Variants in ACP2 observed in about 807,000 individuals in gnomAD.
ACP2 encodes the protein acid phosphatase 2, lysosomal, also known as lysosomal acid phosphatase.
Under a neutral mutation model 54.7 loss-of-function variants are expected in ACP2, and 35 were observed. The ratio of observed to expected loss-of-function variants is 0.64; its 90% CI spans 0.49 to 0.85. ACP2 has a LOEUF of 0.85. Among genes scored for constraint, ACP2 ranks in the 40% least tolerant of loss-of-function variants. The pLI is 0.00. For missense variants in ACP2, 492 were observed against 565.0 expected (o/e 0.87, Z 1.31); for synonymous variants, 210 against 224.4 (o/e 0.94, Z 0.57).
chr11:47,244,849 G>A lies in ACP2; in HGVS notation c.658C>T (p.Leu220=). The change falls in exon 7 of 11, where the codon CTG becomes TTG. Residue 220 remains leucine, a synonymous_variant. Transcript: ENST00000672073. ...LFCEQTHGLR[L]PPWASPQTMQ... is the part of the protein sequence containing the mutation. ...GTTTGGGGTGAGGCCCAGGGCGGCA[G>A]GCGCAGCCCGTGCGTTTGCTGTGTA... The A allele has an allele frequency of 1.9e-6, 3 of 1,609,326 alleles. No homozygotes were observed. Among genetic ancestry groups the A allele is most frequent in the Non-Finnish European group, 2.5e-6 (3 of 1,176,636 alleles).
chr11:47,240,672 T>C (rs1049711331), intron 10 of ACP2, among the ~76,000 whole-genome samples: 10 of 151,904 alleles, frequency 6.6e-5, no homozygotes, highest in Admixed American at 2.6e-4. Context: ...ATACAAAAAA[T>C]TAGCTGGGCA....
chr11:47,248,407 G>C, intron 1 of ACP2: 5 of 1,526,448 alleles, frequency 3.3e-6, no homozygotes, highest in Non-Finnish European at 4.4e-6. Flanking sequence ...GGACAACTGG[G>C]GAAAAAAGAT....
At position 47,247,947 on chromosome 11, in the gene ACP2, G is replaced by A. The variant is rs146435407; in HGVS notation, c.210+91C>T. On this transcript the variant is annotated intron_variant, in intron 2 of 10. Transcript: ENST00000672073. ...CAAAGTCAGCACCCATATGGGAAAA[G>A]GCAGTTTAGTAGGACCCCAAGTTTT... 4.4e-4 allele frequency: 518 copies of A among 1,166,574 alleles called. No individual in the cohort carries two copies. In the African/African-American group the frequency reaches 7.4e-3, roughly 17 times the overall value. 72.3% of individuals were successfully genotyped at this position (1,166,574 alleles called of 1,614,324 possible).
Position 47,248,126 on chromosome 11 carries a change from CG to C in ACP2, c.121del (p.Arg41AlafsTer8). ...RSLRFVTLLY[R>X]HGDRSPVKTY... ...CTTCACTGGTGAACGGTCTCCATGG[CG>C]GTACAGCTGAGAGAATAAAATGGTT... On this transcript the variant is annotated frameshift_variant, in exon 2 of 11. Coordinates refer to ENST00000672073, the MANE Select transcript of ACP2 (RefSeq NM_001610.4). LOFTEE classifies it high-confidence loss of function. 1.9e-6 allele frequency: 3 copies of C among 1,604,084 alleles called. No individual in the cohort carries two copies. The highest frequency in any genetic ancestry group is 1.7e-6 in the Non-Finnish European group (2 of 1,176,678).
At chr11:47,247,854 C>A in intron 2 of ACP2, 127 bp from the exon 3 acceptor site, 1 of 1,034,974 alleles carries the variant, frequency 9.7e-7, no homozygotes, top group South Asian at 1.6e-5. Context: ...TCCCAGAAGT[C>A]TTTCATTAAG....
At chr11:47,240,527 T>C (rs548199357) in intron 10 of ACP2, among the ~76,000 whole-genome samples, 24 of 152,138 alleles carry the variant, frequency 1.6e-4, no homozygotes, top group Non-Finnish European at 2.6e-4. Flanking sequence ...CCATCTCTAC[T>C]AAATAAAGTT....
chr11:47,240,135 T>A lies in ACP2; in HGVS notation c.1253A>T (p.Asp418Val). 6.2e-7 allele frequency: 1 copy of A among 1,613,820 alleles called. No individual in the cohort carries two copies. Among genetic ancestry groups the A allele is most frequent in the Non-Finnish European group, 8.5e-7 (1 of 1,179,934 alleles). ...TGGTTGTCAGGCGTGGTCCTCCCCA[T>A]CTGCGACGTGGCGGTAGCCAGGAGG... ...AQPPGYRHVA[D>V]GEDHA is the part of the protein sequence containing the mutation. Residue 418 changes from aspartate (D) to valine (V), a missense_variant, in exon 11 of 11, where the codon GAT becomes GTT. Asp to Val is a radical substitution (Grantham distance 152). Transcript: ENST00000672073.
In ACP2 at chr11:47,239,774, T is replaced by A. The variant is rs74874192; in HGVS notation, c.*342A>T. The A allele has an allele frequency of 3.9e-6, 1 of 255,456 alleles. No individual in the cohort carries two copies. Among genetic ancestry groups the A allele is most frequent in the East Asian group, 8.5e-5 (1 of 11,792 alleles). 15.8% of individuals were successfully genotyped at this position (255,456 alleles called of 1,614,324 possible). A position where few individuals can be genotyped will look rare whatever the true frequency, so the allele number is the denominator to read the frequency against. On this transcript the variant is annotated 3_prime_UTR_variant, in exon 11 of 11. Transcript: ENST00000672073. Reference sequence around the variant, plus strand: ...GAAAAAGAACAGGGCTTGATAGAAGTGCAAGGTGGATCCAGCACCAACTCT... The same window carrying A: ...GAAAAAGAACAGGGCTTGATAGAAGAGCAAGGTGGATCCAGCACCAACTCT...
At chr11:47,245,897 T>G in intron 3 of ACP2, 63 bp from the exon 4 acceptor site, 1 of 1,478,014 alleles carries the variant, frequency 6.8e-7, no homozygotes, top group Non-Finnish European at 9.0e-7. Context: ...GGGGAAGTTT[T>G]GGTCACCCTG....
intron 3 of ACP2, among the ~76,000 whole-genome samples, chr11:47,246,571 TTAAAA>T (rs1479966949): frequency 6.6e-6 from 1 of 151,576 alleles, no homozygotes; most frequent in Non-Finnish European, 1.5e-5. Context: ...TGAGACCCCT[TTAAAA>T]TATATGTATA....
At chr11:47,242,230 TGTCTAATGTGA>T (rs905816522) in intron 10 of ACP2, among the ~76,000 whole-genome samples, 5 of 152,202 alleles carry the variant, frequency 3.3e-5, no homozygotes, top group Admixed American at 6.5e-5. Context: ...GACACAAGAC[TGTCTAATGTGA>T]GTCTAAGAGA....
At chr11:47,245,652 C>G in intron 4 of ACP2, 30 bp downstream of exon 4, 2 of 1,613,546 alleles carry the variant, frequency 1.2e-6, no homozygotes, top group Non-Finnish European at 1.7e-6. Context: ...TGTCCCCTCA[C>G]CACCCCAGGG....
intron 3 of ACP2, among the ~76,000 whole-genome samples, chr11:47,246,568 C>T (rs1954100532): frequency 6.6e-6 from 1 of 151,702 alleles, no homozygotes; most frequent in Non-Finnish European, 1.5e-5. Flanking sequence ...GAGTGAGACC[C>T]CTTTAAAATA....
At chr11:47,247,866 G>A (rs1054715817) in intron 2 of ACP2, 139 bp from the exon 3 acceptor site, 2 of 946,186 alleles carry the variant, frequency 2.1e-6, no homozygotes, top group Non-Finnish European at 3.2e-6. Flanking sequence ...TTCATTAAGT[G>A]GCCAGTCATG....
At chr11:47,243,886 C>T (rs542623647) in intron 7 of ACP2, among the ~76,000 whole-genome samples, 1 of 152,250 alleles carries the variant, frequency 6.6e-6, no homozygotes, top group East Asian at 1.9e-4. Flanking sequence ...TGTGTAATCC[C>T]AGCACTTTGG....
At position 47,245,542 on chromosome 11, in the gene ACP2, G is replaced by A. The variant is rs777271588; in HGVS notation, c.481C>T (p.Arg161Cys). The change falls in exon 5 of 11, where the codon CGT (arginine) becomes TGT (cysteine). Residue 161 changes from arginine (R) to cysteine (C), a missense_variant. Coordinates refer to ENST00000672073, the MANE Select transcript of ACP2 (RefSeq NM_001610.4). ...GTCTCGTTCTGCAGCTGCTCATAAC[G>A]GGGACATGGGCCCAACGGGAACTTC... Reference protein sequence around the residue: ...LLKFPLGPCPRYEQLQNETRQ... With the variant: ...LLKFPLGPCPCYEQLQNETRQ... 14 of 1,614,096 alleles carry A rather than the reference G, an allele frequency of 8.7e-6. No homozygotes were observed. Among genetic ancestry groups the A allele is most frequent in the Admixed American group, 3.3e-5 (2 of 60,008 alleles).
At position 47,247,963 on chromosome 11, in the gene ACP2, C is replaced by A. The variant is rs546036088; in HGVS notation, c.210+75G>T. The A allele has an allele frequency of 6.0e-6, 8 of 1,323,362 alleles. No homozygotes were observed. The African/African-American group carries it at 8.9e-5, about 15-fold the overall frequency. The allele number at this position is 1,323,362 out of a possible 1,614,324, so 82.0% of individuals were successfully genotyped here. A position where few individuals can be genotyped will look rare whatever the true frequency, so the allele number is the denominator to read the frequency against. ...ATGGGAAAAGGCAGTTTAGTAGGAC[C>A]CCAAGTTTTGTAGACTGCTCTAGAC... On this transcript the variant is annotated intron_variant, in intron 2 of 10. Coordinates refer to ENST00000672073, the MANE Select transcript of ACP2 (RefSeq NM_001610.4).
Position 47,245,399 on chromosome 11 carries a change from GA to G in ACP2, c.550-6del, listed in dbSNP as rs777395443. On this transcript the variant is annotated splice_region_variant and splice_polypyrimidine_tract_variant and intron_variant, in intron 5 of 10. Transcript: ENST00000672073. The stretch of plus-strand genomic sequence containing the variant: ...GGCCACCATGTCCAGAAATTGCTAT[GA>G]AAAATGGATCAGGGTCTCAGTCCTG... The G allele has an allele frequency of 4.3e-6, 7 of 1,614,088 alleles. No homozygotes were observed. The highest frequency in any genetic ancestry group is 5.1e-6 in the Non-Finnish European group (6 of 1,180,034).
chr11:47,241,638 G>A (rs1397171498), intron 10 of ACP2, among the ~76,000 whole-genome samples: 1 of 152,196 alleles, frequency 6.6e-6, no homozygotes, highest in Admixed American at 6.5e-5. Flanking sequence ...ATTGGACTGC[G>A]GAGGCAAGAG....
Sources: gnomAD v4.1 joint callset for allele counts (sites outside exome capture counted in the v4.1 genomes callset) on GRCh38, gnomAD v4.1.1 for gene constraint, MANE v1.5 for transcripts, NCBI Gene and HGNC (gene_info 2026-07-23, HGNC 2026-07-21) for gene names.